The following PLD1 variants were observed in gnomAD, a reference collection of about 807,000 sequenced individuals.
PLD1 encodes the protein phospholipase D1.
A neutral mutation model predicts 137.1 loss-of-function variants in PLD1; 112 were observed. The observed-to-expected ratio is 0.82, with a 90% CI of 0.70 to 0.96. The LOEUF (loss-of-function observed/expected upper bound fraction) is 0.96, where lower values mean the gene tolerates loss of function less well. PLD1 is among the 40% of genes least tolerant of loss of function. The pLI is 0.00. For missense variants in PLD1, 1,321 were observed against 1,342.0 expected (o/e 0.98, Z 0.24); for synonymous variants, 431 against 454.7 (o/e 0.95, Z 0.66).
rs772271606 is a variant in PLD1, at chr3:171,734,985, C to T, written c.435-15G>A. The T allele has an allele frequency of 1.8e-5, 26 of 1,430,696 alleles. No individual in the cohort carries two copies. Among genetic ancestry groups the T allele is most frequent in the Middle Eastern group, 1.7e-4 (1 of 5,724 alleles). The allele number at this position is 1,430,696 out of a possible 1,614,324, so 88.6% of individuals were successfully genotyped here. A position where few individuals can be genotyped will look rare whatever the true frequency, so the allele number is the denominator to read the frequency against. On this transcript the variant is annotated splice_polypyrimidine_tract_variant and intron_variant, in intron 4 of 26. Coordinates refer to ENST00000351298, the MANE Select transcript of PLD1 (RefSeq NM_002662.5). ...TAAACGTGTGTCTAAAACACAAACA[C>T]ACAGAATGCAAACACCTACTAGATT...
rs149637502 is a variant in PLD1, at chr3:171,646,879, T to G, written c.2430-1856A>C. The stretch of plus-strand genomic sequence containing the variant: ...GTGACAGGAGACTACCACCCTTTGT[T>G]CAGAGGTACACCTTCCTACTAATAA... On this transcript the variant is annotated intron_variant, in intron 21 of 26. Transcript: ENST00000351298. Among the ~76,000 whole-genome samples, 73 of 152,294 alleles carry G rather than the reference T, an allele frequency of 4.8e-4. No homozygotes were observed. In the East Asian group the frequency reaches 0.013, roughly 27 times the overall value.
Position 171,601,983 on chromosome 3 carries a change from T to C in PLD1, c.*1095A>G, listed in dbSNP as rs142125269. 1 of 152,320 alleles carries C rather than the reference T, an allele frequency of 6.6e-6. No homozygotes were observed. Among genetic ancestry groups the C allele is most frequent in the African/African-American group, 2.4e-5 (1 of 41,588 alleles). 9.4% of individuals were successfully genotyped at this position (152,320 alleles called of 1,614,324 possible). A position where few individuals can be genotyped will look rare whatever the true frequency, so the allele number is the denominator to read the frequency against. ...TGTAAGTGAAGTAGCACATATTTTA[T>C]AATCAATTAATTTTTCTCAAAGAAG... is the stretch of plus-strand genomic sequence containing the variant. On this transcript the variant is annotated 3_prime_UTR_variant, in exon 27 of 27. Transcript: ENST00000351298.
chr3:171,801,721 G>A (rs1220253772), intron 1 of PLD1, among the ~76,000 whole-genome samples: 1 of 152,162 alleles, frequency 6.6e-6, no homozygotes, highest in African/African-American at 2.4e-5. Flanking sequence ...GAGCCACTGT[G>A]CCCAGCCTAT....
intron 23 of PLD1, among the ~76,000 whole-genome samples, chr3:171,639,661 C>CA (rs1553806194): frequency 2.8e-5 from 3 of 106,896 alleles, no homozygotes; most frequent in Admixed American, 1.2e-4. Context: ...AATATATATT[C>CA]ATATAATATA....
chr3:171,713,145 T>G (rs74849049), intron 9 of PLD1, among the ~76,000 whole-genome samples: 14,488 of 152,228 alleles, frequency 0.095, 721 homozygotes, highest in South Asian at 0.13. Flanking sequence ...CTATAATAAA[T>G]GTACATGAGT....
intron 20 of PLD1, among the ~76,000 whole-genome samples, chr3:171,661,467 C>A (rs765434446): frequency 1.3e-5 from 2 of 152,018 alleles, no homozygotes; most frequent in Non-Finnish European, 2.9e-5. Flanking sequence ...AATTTAAGTT[C>A]CCAAACTAAA....
At chr3:171,774,044 G>C (rs748674677) in intron 1 of PLD1, among the ~76,000 whole-genome samples, 1 of 152,182 alleles carries the variant, frequency 6.6e-6, no homozygotes, top group Admixed American at 6.5e-5. Flanking sequence ...CACCGCGCCC[G>C]GCTATTATAC....
intron 1 of PLD1, chr3:171,809,368 T>C (rs970257746): frequency 1.3e-5 from 2 of 152,236 alleles, no homozygotes; most frequent in Non-Finnish European, 2.9e-5. Context: ...CAGATTCCTT[T>C]CCTTCTTTAA....
intron 11 of PLD1, among the ~76,000 whole-genome samples, chr3:171,700,451 G>A (rs1716150262): frequency 6.6e-6 from 1 of 152,054 alleles, no homozygotes; most frequent in Admixed American, 6.6e-5. Flanking sequence ...TGGGATGGAT[G>A]TTGTATGGGA....
intron 12 of PLD1, among the ~76,000 whole-genome samples, chr3:171,696,794 C>G (rs1010175022): frequency 1.3e-5 from 2 of 152,052 alleles, no homozygotes; most frequent in Non-Finnish European, 2.9e-5. Flanking sequence ...AATGTACCAC[C>G]AAGAAATCAA....
chr3:171,708,673 T>A, intron 11 of PLD1, 82 bp downstream of exon 11: 1 of 761,226 alleles, frequency 1.3e-6, no homozygotes, highest in Non-Finnish European at 2.3e-6. Context: ...TCATAATGTG[T>A]AATTCTTGAA....
At chr3:171,690,516 T>C (rs1169828477) in intron 13 of PLD1, among the ~76,000 whole-genome samples, 2 of 152,214 alleles carry the variant, frequency 1.3e-5, no homozygotes, top group African/African-American at 4.8e-5. Flanking sequence ...CTGCTTTCTC[T>C]GTGTCCCATA....
intron 1 of PLD1, among the ~76,000 whole-genome samples, chr3:171,764,892 AAAGGAAGGAAGGAAGGAAG>A (rs374371129): frequency 0.013 from 264 of 20,390 alleles, 34 homozygotes; most frequent in Middle Eastern, 0.071. Context: ...AGAAAGAAAG[AAAGGAAGGAAGGAAGGAAG>A]GAAAGAAAGA....
At chr3:171,746,120 C>G (rs996441800) in intron 1 of PLD1, among the ~76,000 whole-genome samples, 2 of 152,208 alleles carry the variant, frequency 1.3e-5, no homozygotes, top group African/African-American at 4.8e-5. Flanking sequence ...CGCCTCCCCG[C>G]GGGGCAGAGC....
chr3:171,683,818 A>G (rs549057344), intron 16 of PLD1, among the ~76,000 whole-genome samples: 3 of 152,380 alleles, frequency 2.0e-5, no homozygotes, highest in Admixed American at 2.0e-4. Context: ...TGATTGGCAT[A>G]TAACAGAAAC....
chr3:171,803,217 C>T (rs1350167163), intron 1 of PLD1, among the ~76,000 whole-genome samples: 1 of 152,168 alleles, frequency 6.6e-6, no homozygotes, highest in Non-Finnish European at 1.5e-5. Flanking sequence ...TTGTACCAGA[C>T]CAGATCATAG....
intron 8 of PLD1, among the ~76,000 whole-genome samples, chr3:171,719,243 A>G (rs1404146815): frequency 1.3e-5 from 2 of 152,116 alleles, no homozygotes; most frequent in African/African-American, 4.8e-5. Context: ...GTTCTCCACC[A>G]TCCCTGCCTC....
chr3:171,619,844 G>C (rs1348116264), intron 24 of PLD1, among the ~76,000 whole-genome samples: 1 of 152,046 alleles, frequency 6.6e-6, no homozygotes, highest in Non-Finnish European at 1.5e-5. Flanking sequence ...CAGCACACGG[G>C]AGACTGAGGT....
At chr3:171,808,744 T>A (rs1276194340) in intron 1 of PLD1, among the ~76,000 whole-genome samples, 1 of 151,872 alleles carries the variant, frequency 6.6e-6, no homozygotes, top group Non-Finnish European at 1.5e-5. Flanking sequence ...GCGCTTACTA[T>A]AGTTCATAAT....
Sources: gnomAD v4.1 joint callset for allele counts (sites outside exome capture counted in the v4.1 genomes callset) on GRCh38, gnomAD v4.1.1 for gene constraint, MANE v1.5 for transcripts, NCBI Gene and HGNC (gene_info 2026-07-23, HGNC 2026-07-21) for gene names.